The following SH3BGRL variants were observed in gnomAD, a reference collection of about 807,000 sequenced individuals.
SH3BGRL encodes the protein SH3 domain binding glutamate rich protein like.
In SH3BGRL, 7 loss-of-function variants were observed where a neutral mutation model predicts 9.8. That is an observed-to-expected ratio of 0.72 (90% CI 0.41 to 1.35). The LOEUF (loss-of-function observed/expected upper bound fraction) is 1.35. Among genes scored for constraint, SH3BGRL ranks in the 40% most tolerant of loss-of-function variants. The pLI, the probability that SH3BGRL is intolerant of heterozygous loss-of-function variation, is 0.01. For synonymous variants in SH3BGRL, 36 were observed against 29.1 expected (o/e 1.24, Z -0.76); for missense variants, 73 against 84.4 (o/e 0.86, Z 0.53).
At chrX:81,213,641 A>G (rs1168499698) in intron 1 of SH3BGRL, among the ~76,000 whole-genome samples, 2 of 111,767 alleles carry the variant, frequency 1.8e-5, no homozygotes, top group Non-Finnish European at 3.8e-5. Context: ...GGACCCGTCA[A>G]AAGTTAAAAA....
intron 1 of SH3BGRL, among the ~76,000 whole-genome samples, chrX:81,222,504 A>G (rs1405656684): frequency 9.1e-6 from 1 of 109,832 alleles, no homozygotes. Context: ...ACATGAACTT[A>G]TCCTTTTTTA....
At chrX:81,237,198 A>G in intron 1 of SH3BGRL, 1 of 388,043 alleles carries the variant, frequency 2.6e-6, no homozygotes, top group South Asian at 2.5e-5. Flanking sequence ...ACAACTATCT[A>G]CATGCACACA....
At position 81,291,008 on chromosome X, in the gene SH3BGRL, C is replaced by G. The variant is rs140114792; in HGVS notation, c.313-6187C>G. Among the ~76,000 whole-genome samples, 239 of 111,635 alleles carry G rather than the reference C, an allele frequency of 2.1e-3. 3 individuals are homozygous for G. In the East Asian group the frequency reaches 0.05, roughly 23 times the overall value. The stretch of plus-strand genomic sequence containing the variant: ...TATGTATGCTATGTTTTTGAGGGGT[C>G]TTAGTATAAATTATTTTTTGAGTTA... On this transcript the variant is annotated intron_variant, in intron 3 of 3. Transcript: ENST00000373212.
intron 1 of SH3BGRL, among the ~76,000 whole-genome samples, chrX:81,211,577 A>G (rs1322666523): frequency 9.1e-6 from 1 of 109,356 alleles, no homozygotes; most frequent in African/African-American, 3.3e-5. Context: ...ACAGAGCGAG[A>G]CTCCGTCTCA....
At chrX:81,218,054 A>G (rs924814563) in intron 1 of SH3BGRL, among the ~76,000 whole-genome samples, 1 of 110,606 alleles carries the variant, frequency 9.0e-6, no homozygotes, top group Non-Finnish European at 1.9e-5. Flanking sequence ...GTTTTGTCTG[A>G]TATAAGAATA....
intron 1 of SH3BGRL, among the ~76,000 whole-genome samples, chrX:81,239,350 A>G (rs1251010295): frequency 8.9e-6 from 1 of 112,471 alleles, no homozygotes; most frequent in Non-Finnish European, 1.9e-5. Context: ...AAAAAGAAAC[A>G]AACAGAAATT....
chrX:81,284,150 C>CT (rs2075826893), intron 3 of SH3BGRL, among the ~76,000 whole-genome samples: 1 of 110,506 alleles, frequency 9.0e-6, no homozygotes, highest in Non-Finnish European at 1.9e-5. Flanking sequence ...CAAAACACTG[C>CT]TGAAAGAAAT....
At chrX:81,254,271 A>G (rs1313969907) in intron 1 of SH3BGRL, among the ~76,000 whole-genome samples, 1 of 111,859 alleles carries the variant, frequency 8.9e-6, no homozygotes, top group Non-Finnish European at 1.9e-5. Context: ...TTCTTGGATC[A>G]TTTGATTCTG....
intron 3 of SH3BGRL, among the ~76,000 whole-genome samples, chrX:81,279,264 A>G (rs1569369525): frequency 1.8e-5 from 2 of 111,875 alleles, no homozygotes; most frequent in East Asian, 5.6e-4. Context: ...ATAAAATCTT[A>G]TATTTTAGGC....
intron 1 of SH3BGRL, among the ~76,000 whole-genome samples, chrX:81,258,413 T>C (rs1379684641): frequency 1.8e-5 from 2 of 112,320 alleles, no homozygotes; most frequent in African/African-American, 6.5e-5. Context: ...AATCCAGAAG[T>C]GAAATTACTG....
In SH3BGRL at chrX:81,256,605, T is replaced by C. The variant is rs763190891; in HGVS notation, c.46-20379T>C. On this transcript the variant is annotated intron_variant, in intron 1 of 3. Coordinates refer to ENST00000373212, the MANE Select transcript of SH3BGRL (RefSeq NM_003022.3). ...CATTTACTGGGCATACAAAGTAGCC[T>C]ATCTTGTTTCTCAGAGCCCCATGAT... Among the ~76,000 whole-genome samples the C allele has an allele frequency of 3.6e-5, 4 of 112,098 alleles. 1 individual carries two copies. The highest frequency in any genetic ancestry group is 7.5e-5 in the Non-Finnish European group (4 of 53,213).
chrX:81,286,876 G>A (rs996770411), intron 3 of SH3BGRL, among the ~76,000 whole-genome samples: 2 of 111,075 alleles, frequency 1.8e-5, no homozygotes, highest in South Asian at 3.7e-4. Flanking sequence ...GCACTAATAA[G>A]GAGTTCAGAT....
intron 1 of SH3BGRL, among the ~76,000 whole-genome samples, chrX:81,215,363 A>G (rs2075578400): frequency 9.0e-6 from 1 of 111,127 alleles, no homozygotes. Context: ...TTCTGAATCT[A>G]TGATTTGTGC....
intron 1 of SH3BGRL, among the ~76,000 whole-genome samples, chrX:81,216,392 A>C (rs1039930716): frequency 3.2e-4 from 36 of 111,675 alleles, no homozygotes; most frequent in Admixed American, 2.6e-3. Flanking sequence ...ACATCAGGAT[A>C]AATAGGGAAT....
chrX:81,215,979 G>A (rs1242170707), intron 1 of SH3BGRL, among the ~76,000 whole-genome samples: 2 of 111,725 alleles, frequency 1.8e-5, no homozygotes, highest in Non-Finnish European at 3.8e-5. Context: ...CTGGGATTAT[G>A]GAACAAAGCC....
chrX:81,278,476 A>G (rs372594614), intron 3 of SH3BGRL, 65 bp downstream of exon 3: 8 of 722,658 alleles, frequency 1.1e-5, no homozygotes, highest in Middle Eastern at 6.0e-4. Context: ...TTTAATCAGT[A>G]AGATTTTCAT....
At chrX:81,279,425 C>T (rs112672029) in intron 3 of SH3BGRL, among the ~76,000 whole-genome samples, 10 of 110,931 alleles carry the variant, frequency 9.0e-5, no homozygotes, top group African/African-American at 3.3e-4. Context: ...CAAGAACAAA[C>T]CAGCAATCCT....
At chrX:81,252,056 T>C (rs959346129) in intron 1 of SH3BGRL, among the ~76,000 whole-genome samples, 1 of 112,258 alleles carries the variant, frequency 8.9e-6, no homozygotes, top group Non-Finnish European at 1.9e-5. Context: ...CTGTTTCAAA[T>C]CTATTGTGAA....
intron 1 of SH3BGRL, among the ~76,000 whole-genome samples, chrX:81,228,534 T>A (rs1015148267): frequency 9.0e-6 from 1 of 111,382 alleles, no homozygotes; most frequent in African/African-American, 3.3e-5. Flanking sequence ...ATGTTTCTTA[T>A]CAAATTTAAA....
Sources: allele counts gnomAD v4.1 joint callset (sites outside exome capture counted in the v4.1 genomes callset), GRCh38; gene constraint gnomAD v4.1.1; transcripts MANE v1.5; gene names NCBI Gene and HGNC (gene_info 2026-07-23, HGNC 2026-07-21).